The following SEC24D variants were observed in gnomAD, a reference collection of about 807,000 sequenced individuals.
SEC24D encodes protein transport protein Sec24D.
SEC24D carries 69 observed loss-of-function variants against 116.9 expected under a neutral mutation model. That is an observed-to-expected ratio of 0.59 (90% confidence interval 0.49 to 0.72). The LOEUF (loss-of-function observed/expected upper bound fraction) is 0.72. Among genes scored for constraint, SEC24D ranks in the 30% least tolerant of loss-of-function variants. The pLI, the probability that SEC24D is intolerant of heterozygous loss-of-function variation, is 0.00. For missense variants in SEC24D, 1,131 were observed against 1,264.1 expected, an observed-to-expected ratio of 0.89 and a Z score of 1.60; for synonymous variants, 405 against 442.8, an observed-to-expected ratio of 0.91 and a Z score of 1.07.
intron 11 of SEC24D, among the ~76,000 whole-genome samples, chr4:118,755,421 C>A (rs1727041254): frequency 7.0e-6 from 1 of 143,176 alleles, no homozygotes; most frequent in African/African-American, 2.6e-5. Context: ...TAAGATCAAG[C>A]ATTTGGAACG....
At chr4:118,772,804 C>T (rs186769221) in intron 8 of SEC24D, among the ~76,000 whole-genome samples, 422 of 152,276 alleles carry the variant, frequency 2.8e-3, no homozygotes, top group African/African-American at 9.6e-3. Context: ...CTAAAGCAAA[C>T]GCCTAGCTTC....
chr4:118,738,310 A>C lies in SEC24D; in HGVS notation c.2447T>G (p.Met816Arg). The C allele has an allele frequency of 6.2e-7, 1 of 1,613,730 alleles. No individual in the cohort carries two copies. ...ACAATTCTTCCGGTAACATGCCAACATATGGGCAGTCTGATTAACTAGAAT... is the reference window on the plus strand; with the variant it reads ...ACAATTCTTCCGGTAACATGCCAACCTATGGGCAGTCTGATTAACTAGAAT... Reference protein sequence around the residue: ...REILVNQTAHMLACYRKNCAS... With the variant: ...REILVNQTAHRLACYRKNCAS... Residue 816 changes from methionine (M) to arginine (R), a missense_variant, in exon 19 of 23, where the codon ATG (methionine) becomes AGG (arginine). Transcript: ENST00000280551.
chr4:118,783,175 G>A (rs1039935702), intron 8 of SEC24D, among the ~76,000 whole-genome samples: 12 of 152,186 alleles, frequency 7.9e-5, no homozygotes, highest in South Asian at 6.2e-4. Flanking sequence ...GAAATCACCC[G>A]TCTTCTGCGT....
At chr4:118,752,383 A>G (rs1726882924) in intron 12 of SEC24D, among the ~76,000 whole-genome samples, 1 of 152,190 alleles carries the variant, frequency 6.6e-6, no homozygotes, top group African/African-American at 2.4e-5. Context: ...AGTTATTACC[A>G]TCATCATTGA....
At chr4:118,756,412 C>T (rs373877273) in intron 11 of SEC24D, among the ~76,000 whole-genome samples, 61 of 152,270 alleles carry the variant, frequency 4.0e-4, no homozygotes, top group Admixed American at 9.2e-4. Flanking sequence ...AACATCCCCA[C>T]TGCTTTTCCA....
At chr4:118,771,774 A>G (rs1481784112) in intron 8 of SEC24D, among the ~76,000 whole-genome samples, 1 of 152,218 alleles carries the variant, frequency 6.6e-6, no homozygotes, top group Non-Finnish European at 1.5e-5. Flanking sequence ...AAGTCTTCTT[A>G]TTTGAATACA....
chr4:118,831,114 C>T (rs891324193), intron 2 of SEC24D, among the ~76,000 whole-genome samples: 1 of 152,130 alleles, frequency 6.6e-6, no homozygotes, highest in Admixed American at 6.5e-5. Flanking sequence ...CTCCATCTCC[C>T]TGGTTCAAGC....
intron 7 of SEC24D, among the ~76,000 whole-genome samples, chr4:118,800,512 T>C (rs1175221315): frequency 6.6e-6 from 1 of 152,206 alleles, no homozygotes; most frequent in Non-Finnish European, 1.5e-5. Context: ...GATTTTTAAA[T>C]AATGACAATT....
chr4:118,808,567 T>TA (rs1729770110), intron 6 of SEC24D, among the ~76,000 whole-genome samples: 1 of 152,204 alleles, frequency 6.6e-6, no homozygotes, highest in African/African-American at 2.4e-5. Context: ...TGATAATTGC[T>TA]AAAAAATACT....
Position 118,748,573 on chromosome 4 carries a change from A to T in SEC24D, c.1707+3423T>A, listed in dbSNP as rs538869814. Among the ~76,000 whole-genome samples the T allele has an allele frequency of 2.0e-5, 3 of 152,298 alleles. No homozygotes were observed. The South Asian group carries it at 6.2e-4, about 32-fold the overall frequency. On this transcript the variant is annotated intron_variant, in intron 13 of 22. Transcript: ENST00000280551. ...ATGAATGCCATATATCATTCTTAACATGGCAGAAAACAGGTTGAGAGAGGC... is the reference window on the plus strand; with the variant it reads ...ATGAATGCCATATATCATTCTTAACTTGGCAGAAAACAGGTTGAGAGAGGC...
intron 8 of SEC24D, among the ~76,000 whole-genome samples, chr4:118,789,488 T>C (rs1728797493): frequency 6.6e-6 from 1 of 152,224 alleles, no homozygotes; most frequent in African/African-American, 2.4e-5. Flanking sequence ...TCCATTCCTT[T>C]TTCCCCCACA....
chr4:118,797,611 T>G (rs1729235974), intron 8 of SEC24D, 72 bp downstream of exon 8: 1 of 1,189,098 alleles, frequency 8.4e-7, no homozygotes, highest in Admixed American at 2.3e-5. Context: ...GAATAATGTA[T>G]AAGAAAATTG....
intron 11 of SEC24D, among the ~76,000 whole-genome samples, chr4:118,757,363 G>C (rs948019714): frequency 6.6e-6 from 1 of 152,100 alleles, no homozygotes; most frequent in Non-Finnish European, 1.5e-5. Flanking sequence ...TCATCCCTTC[G>C]AACTCTGCCA....
At chr4:118,835,634 C>T (rs1290511595) in intron 1 of SEC24D, among the ~76,000 whole-genome samples, 2 of 152,236 alleles carry the variant, frequency 1.3e-5, no homozygotes, top group Admixed American at 1.3e-4. Flanking sequence ...GATGAGAAAA[C>T]CGCTGGCAAT....
At chr4:118,801,626 C>T (rs773746483) in intron 7 of SEC24D, among the ~76,000 whole-genome samples, 13 of 152,052 alleles carry the variant, frequency 8.5e-5, no homozygotes, top group Non-Finnish European at 1.6e-4. Context: ...TTTAATTTTC[C>T]ATTGCACTCA....
In SEC24D at chr4:118,764,784, A is replaced by C. The variant is rs1727558742; in HGVS notation, c.1296+18T>G. 4 of 1,310,524 alleles carry C rather than the reference A, an allele frequency of 3.1e-6. No homozygotes were observed. In the South Asian group the frequency reaches 4.8e-5, roughly 16 times the overall value. The allele number at this position is 1,310,524 out of a possible 1,614,324, so 81.2% of individuals were successfully genotyped here. A position where few individuals can be genotyped will look rare whatever the true frequency, so the allele number is the denominator to read the frequency against. ...TTAACATCAATGTATAAACACTTGAAGTTCTGGGAACACTTACTCTGCAAT... is the reference window on the plus strand; with the variant it reads ...TTAACATCAATGTATAAACACTTGACGTTCTGGGAACACTTACTCTGCAAT... On this transcript the variant is annotated intron_variant, in intron 10 of 22. Transcript: ENST00000280551.
chr4:118,735,701 T>C (rs1378165125), intron 19 of SEC24D: 2 of 151,740 alleles, frequency 1.3e-5, no homozygotes, highest in Non-Finnish European at 1.5e-5. Flanking sequence ...TTTTTTTTTT[T>C]TTTTTTTAAA....
At chr4:118,792,634 T>C (rs1418501593) in intron 8 of SEC24D, among the ~76,000 whole-genome samples, 1 of 152,066 alleles carries the variant, frequency 6.6e-6, no homozygotes, top group African/African-American at 2.4e-5. Context: ...GTCCACTAAG[T>C]GTTAAATGGA....
chr4:118,740,641 G>A, intron 17 of SEC24D, 22 bp downstream of exon 17: 4 of 1,611,890 alleles, frequency 2.5e-6, no homozygotes, highest in Non-Finnish European at 3.4e-6. Flanking sequence ...ATAACGAAAG[G>A]TGGGAATACA....
Sources: gnomAD v4.1 joint callset for allele counts (sites outside exome capture counted in the v4.1 genomes callset) on GRCh38, gnomAD v4.1.1 for gene constraint, MANE v1.5 for transcripts, NCBI Gene and HGNC (gene_info 2026-07-23, HGNC 2026-07-21) for gene names.